The following DMXL1 variants were observed in gnomAD, a reference collection of about 807,000 sequenced individuals.
The protein encoded by DMXL1 is dmX-like protein 1.
Under a neutral mutation model 319.2 loss-of-function variants are expected in DMXL1, and 99 were observed. The observed-to-expected ratio is 0.31, with a 90% confidence interval of 0.26 to 0.37. The LOEUF is 0.37. DMXL1 is among the 10% of genes least tolerant of loss of function. The pLI is 1.00. For missense variants in DMXL1, 3,745 were observed against 3,595.6 expected (o/e 1.04, Z -1.06); for synonymous variants, 1,385 against 1,235.2 (o/e 1.12, Z -2.54).
intron 10 of DMXL1, among the ~76,000 whole-genome samples, chr5:119,131,301 T>C (rs769326989): frequency 4.6e-5 from 7 of 152,154 alleles, no homozygotes; most frequent in Non-Finnish European, 8.8e-5. Context: ...ACTGGGATTT[T>C]TGAAAGAGGA....
chr5:119,169,665 A>G (rs1303206292), intron 23 of DMXL1, among the ~76,000 whole-genome samples: 1 of 152,194 alleles, frequency 6.6e-6, no homozygotes, highest in Non-Finnish European at 1.5e-5. Flanking sequence ...AGGCCTTTGG[A>G]TATAGGAGTT....
intron 13 of DMXL1, among the ~76,000 whole-genome samples, chr5:119,138,521 C>T (rs757518377): frequency 7.2e-5 from 11 of 152,074 alleles, no homozygotes; most frequent in Non-Finnish European, 1.5e-4. Flanking sequence ...ATGAGATTGC[C>T]AAGGGTGAGA....
chr5:119,089,390 C>G (rs749478571), intron 1 of DMXL1, among the ~76,000 whole-genome samples: 1 of 140,490 alleles, frequency 7.1e-6, no homozygotes. Context: ...ACTGCAACCT[C>G]TGCCTCCTGG....
chr5:119,219,076 A>G (rs1784193308), intron 35 of DMXL1, among the ~76,000 whole-genome samples: 1 of 152,196 alleles, frequency 6.6e-6, no homozygotes, highest in Non-Finnish European at 1.5e-5. Context: ...GAGACAAAGG[A>G]CAGTTTATGT....
intron 31 of DMXL1, among the ~76,000 whole-genome samples, chr5:119,196,893 C>T (rs146028199): frequency 1.3e-5 from 2 of 152,166 alleles, no homozygotes; most frequent in East Asian, 3.9e-4. Flanking sequence ...ACAAAAATAC[C>T]AATTTAACCA....
At chr5:119,207,568 G>A (rs747810186) in intron 34 of DMXL1, among the ~76,000 whole-genome samples, 1 of 152,018 alleles carries the variant, frequency 6.6e-6, no homozygotes, top group Non-Finnish European at 1.5e-5. Context: ...GCCCAGGCTG[G>A]AGTGAAGTGT....
At chr5:119,084,864 CAAAAAAA>C (rs767235744) in intron 1 of DMXL1, among the ~76,000 whole-genome samples, 1 of 69,938 alleles carries the variant, frequency 1.4e-5, no homozygotes, top group East Asian at 4.5e-4. Flanking sequence ...AACTCCGTCT[CAAAAAAA>C]AAAAAAAAAA....
At chr5:119,088,452 G>T (rs887307821) in intron 1 of DMXL1, among the ~76,000 whole-genome samples, 1 of 152,108 alleles carries the variant, frequency 6.6e-6, no homozygotes, top group Non-Finnish European at 1.5e-5. Context: ...ACATTGTGTT[G>T]TTAGGTTGCT....
intron 43 of DMXL1, among the ~76,000 whole-genome samples, chr5:119,246,637 T>TCC (rs1441192414): frequency 0.023 from 3,310 of 145,846 alleles, 118 homozygotes; most frequent in African/African-American, 0.078. Flanking sequence ...TTCCTTTTTT[T>TCC]TTTTTTTTTT....
At chr5:119,129,462 C>G (rs757155820) in intron 10 of DMXL1, 39 bp downstream of exon 10, 7 of 1,428,458 alleles carry the variant, frequency 4.9e-6, no homozygotes, top group Admixed American at 2.2e-5. Context: ...AAGTTTTGCT[C>G]AAAATAGCAA....
At chr5:119,228,470 C>A (rs952302014) in intron 38 of DMXL1, among the ~76,000 whole-genome samples, 11 of 152,224 alleles carry the variant, frequency 7.2e-5, no homozygotes, top group Non-Finnish European at 7.4e-5. Context: ...TAACATTATA[C>A]AAGGACACAT....
At chr5:119,098,309 T>A (rs753635428) in intron 2 of DMXL1, among the ~76,000 whole-genome samples, 1 of 152,326 alleles carries the variant, frequency 6.6e-6, no homozygotes, top group East Asian at 1.9e-4. Flanking sequence ...TAGCATCATC[T>A]TCTCTGAGAA....
chr5:119,190,542 A>C lies in DMXL1; in HGVS notation c.7314+656A>C, dbSNP rs187489187. On this transcript the variant is annotated intron_variant, in intron 29 of 43. Transcript: ENST00000539542. ...TTGCTTCATCTCCTGTGATAAATCCATATGATAGTGTACAAAATTGGATTT... is the reference window on the plus strand; with the variant it reads ...TTGCTTCATCTCCTGTGATAAATCCCTATGATAGTGTACAAAATTGGATTT... Among the ~76,000 whole-genome samples the C allele has an allele frequency of 2.6e-5, 4 of 152,338 alleles. No homozygotes were observed. In the East Asian group the frequency reaches 7.7e-4, roughly 29 times the overall value.
chr5:119,106,823 T>A (rs1377514494), intron 4 of DMXL1, among the ~76,000 whole-genome samples: 1 of 152,162 alleles, frequency 6.6e-6, no homozygotes, highest in Non-Finnish European at 1.5e-5. Context: ...AATTAATGAA[T>A]AGTGAAAGGT....
chr5:119,133,897 A>G lies in DMXL1; in HGVS notation c.1973A>G (p.His658Arg). 6.2e-7 allele frequency: 1 copy of G among 1,614,160 alleles called. No individual in the cohort carries two copies. Among genetic ancestry groups the G allele is most frequent in the Non-Finnish European group, 8.5e-7 (1 of 1,180,036 alleles). ...CCATTATTGCTGACAACATCACACC[A>G]TAATGCATTAAGGACACCAGATGTT... ...VLPLLLTTSH[H>R]NALRTPDVDN... Residue 658 changes from histidine to arginine, a missense_variant, in exon 12 of 44, where the codon CAT (histidine) becomes CGT (arginine). Physicochemically the swap from His to Arg is conservative, Grantham distance 29. Coordinates refer to ENST00000539542, the MANE Select transcript of DMXL1 (RefSeq NM_001290321.3).
chr5:119,160,420 C>T (rs1453715345), intron 19 of DMXL1, among the ~76,000 whole-genome samples: 2 of 152,146 alleles, frequency 1.3e-5, no homozygotes, highest in South Asian at 4.1e-4. Context: ...TTTACATACA[C>T]TTGAATTTTT....
At chr5:119,118,506 G>T (rs148593186) in intron 7 of DMXL1, among the ~76,000 whole-genome samples, 2 of 152,008 alleles carry the variant, frequency 1.3e-5, no homozygotes, top group African/African-American at 4.8e-5. Flanking sequence ...GGATGAGGCG[G>T]GAGGATTACT....
intron 34 of DMXL1, among the ~76,000 whole-genome samples, chr5:119,215,480 G>C (rs925579755): frequency 2.0e-5 from 3 of 151,852 alleles, no homozygotes; most frequent in African/African-American, 7.3e-5. Flanking sequence ...GCTAATTTTT[G>C]TATTTTTAGT....
intron 24 of DMXL1, 133 bp downstream of exon 24, chr5:119,171,413 T>C: frequency 1.2e-6 from 1 of 861,938 alleles, no homozygotes; most frequent in East Asian, 2.7e-5. Flanking sequence ...TTTTGTGTGG[T>C]CCTTCATATT....
Sources: gnomAD v4.1 joint callset for allele counts (sites outside exome capture counted in the v4.1 genomes callset) on GRCh38, gnomAD v4.1.1 for gene constraint, MANE v1.5 for transcripts, NCBI Gene and HGNC (gene_info 2026-07-23, HGNC 2026-07-21) for gene names.